TMC2: variants seen among roughly 807,000 people sequenced by gnomAD.
The protein encoded by TMC2 is transmembrane channel like 2, also known as transmembrane channel-like protein 2.
TMC2 carries 102 observed loss-of-function variants against 105.9 expected under a neutral mutation model. The ratio of observed to expected loss-of-function variants is 0.96; its 90% CI spans 0.82 to 1.14. TMC2 has a LOEUF of 1.14. Ranked by LOEUF, TMC2 falls within the 50% of genes most tolerant of loss-of-function variation. The pLI, the probability that TMC2 is intolerant of heterozygous loss-of-function variation, is 0.00. For synonymous variants in TMC2, 402 were observed against 422.8 expected (o/e 0.95, Z 0.60); for missense variants, 1,093 against 1,134.3 (o/e 0.96, Z 0.52).
Position 2,624,358 on chromosome 20 carries a change from C to T in TMC2, c.2268C>T (p.Ala756=). 1 of 1,614,138 alleles carries T rather than the reference C, an allele frequency of 6.2e-7. No homozygotes were observed. The highest frequency in any genetic ancestry group is 8.5e-7 in the Non-Finnish European group (1 of 1,180,016). The part of the protein sequence containing the change: ...TFLGKIFAFL[A]NPGLIIPAIL... ...TGGGCAAGATCTTTGCTTTCCTCGC[C>T]AATCCAGGCCTGATCATCCCAGCCA... The change falls in exon 17 of 20, where the codon GCC becomes GCT. Residue 756 remains alanine (A), a synonymous_variant. Coordinates refer to ENST00000358864, the MANE Select transcript of TMC2 (RefSeq NM_080751.3).
chr20:2,564,157 T>TA (rs1250931369), intron 4 of TMC2, among the ~76,000 whole-genome samples: 3 of 145,924 alleles, frequency 2.1e-5, no homozygotes, highest in African/African-American at 7.6e-5. Context: ...CCTCTTTTTT[T>TA]TTTTTTTTTT....
At chr20:2,601,656 C>T (rs533457449) in intron 10 of TMC2, among the ~76,000 whole-genome samples, 3 of 152,216 alleles carry the variant, frequency 2.0e-5, no homozygotes, top group African/African-American at 7.2e-5. Flanking sequence ...GCCTGACCAA[C>T]ATGGAGAAAC....
chr20:2,610,271 C>T (rs1883979), intron 11 of TMC2, 148 bp from the exon 12 acceptor site: 160,338 of 643,344 alleles, frequency 0.25, 21,327 homozygotes, highest in African/African-American at 0.38. Context: ...GCCAGGGTCA[C>T]ACAGCAAGCT....
intron 7 of TMC2, among the ~76,000 whole-genome samples, chr20:2,590,564 A>C (rs1192788287): frequency 6.6e-6 from 1 of 152,128 alleles, no homozygotes. Flanking sequence ...ATTTTATATT[A>C]AATGGTGAAA....
intron 2 of TMC2, among the ~76,000 whole-genome samples, chr20:2,546,633 A>G (rs2085928117): frequency 6.6e-6 from 1 of 152,094 alleles, no homozygotes; most frequent in South Asian, 2.1e-4. Flanking sequence ...GAGTTGAAGG[A>G]CATGATCAAC....
At chr20:2,553,080 C>T (rs1248408988) in intron 2 of TMC2, among the ~76,000 whole-genome samples, 2 of 152,134 alleles carry the variant, frequency 1.3e-5, no homozygotes, top group East Asian at 3.8e-4. Flanking sequence ...CCCATTTAGT[C>T]TACTGTTAAT....
chr20:2,570,005 G>A (rs1218725685), intron 4 of TMC2, among the ~76,000 whole-genome samples: 2 of 152,162 alleles, frequency 1.3e-5, no homozygotes, highest in East Asian at 3.8e-4. Flanking sequence ...AGTTATCTAT[G>A]AGAAACTCAT....
At chr20:2,560,374 G>A (rs908174219) in intron 3 of TMC2, among the ~76,000 whole-genome samples, 2 of 152,038 alleles carry the variant, frequency 1.3e-5, no homozygotes, top group Non-Finnish European at 1.5e-5. Context: ...ACACCCAGAG[G>A]CTGCTGCAAA....
intron 5 of TMC2, among the ~76,000 whole-genome samples, chr20:2,577,727 G>T (rs541533578): frequency 6.6e-6 from 1 of 151,576 alleles, no homozygotes. Flanking sequence ...AGCCTGGGCC[G>T]CATGGTGAGA....
chr20:2,595,691 C>T (rs1304186692), intron 9 of TMC2, among the ~76,000 whole-genome samples: 1 of 152,150 alleles, frequency 6.6e-6, no homozygotes, highest in East Asian at 1.9e-4. Flanking sequence ...AAGGCACTGT[C>T]TCCTACACAA....
chr20:2,560,405 T>A (rs2086017573), intron 3 of TMC2, among the ~76,000 whole-genome samples: 1 of 152,106 alleles, frequency 6.6e-6, no homozygotes, highest in Non-Finnish European at 1.5e-5. Context: ...AAACCTGCAG[T>A]AACCCAAGCC....
intron 2 of TMC2, among the ~76,000 whole-genome samples, chr20:2,550,172 CAG>C (rs1245171225): frequency 1.5e-5 from 2 of 134,416 alleles, no homozygotes; most frequent in African/African-American, 5.8e-5. Context: ...GCAACAGAGC[CAG>C]ACTCTGTCTC....
intron 4 of TMC2, among the ~76,000 whole-genome samples, chr20:2,571,102 C>T (rs369685665): frequency 5.3e-5 from 8 of 152,188 alleles, no homozygotes; most frequent in Middle Eastern, 3.4e-3. Context: ...AAAGAATTTA[C>T]GACTAAGTCC....
chr20:2,588,816 CT>C (rs763256491), intron 7 of TMC2, among the ~76,000 whole-genome samples: 2 of 151,486 alleles, frequency 1.3e-5, no homozygotes, highest in South Asian at 2.1e-4. Flanking sequence ...TAAGTCTGGA[CT>C]TTTTTAACCC....
chr20:2,637,557 C>G lies in TMC2; in HGVS notation c.2469C>G (p.Ser823=), dbSNP rs1056392468. ...RDSEDTPKSS[S]KNATQLQLTK... is the part of the protein sequence containing the mutation. Reference sequence around the variant, plus strand: ...CAGAGGACACACCTAAAAGCAGCTCCAAAAATGCCACCCAGCTCCAACTCA... The same window carrying G: ...CAGAGGACACACCTAAAAGCAGCTCGAAAAATGCCACCCAGCTCCAACTCA... Residue 823 remains serine, a synonymous_variant, in exon 19 of 20, where the codon TCC becomes TCG. Transcript: ENST00000358864. 1 of 1,613,906 alleles carries G rather than the reference C, an allele frequency of 6.2e-7. No individual in the cohort carries two copies. The highest frequency in any genetic ancestry group is 1.1e-5 in the South Asian group (1 of 91,068).
intron 10 of TMC2, among the ~76,000 whole-genome samples, chr20:2,599,539 ATTTT>A (rs11409325): frequency 2.3e-5 from 2 of 85,512 alleles, no homozygotes; most frequent in African/African-American, 9.7e-5. Flanking sequence ...CTTTAATTAC[ATTTT>A]TTTTTTTTTT....
intron 12 of TMC2, 55 bp downstream of exon 12, chr20:2,610,653 TC>T: frequency 9.3e-6 from 10 of 1,075,866 alleles, no homozygotes; most frequent in South Asian, 3.7e-5. Context: ...CATAGTATTT[TC>T]TTTTTTAATA....
chr20:2,594,507 C>T (rs1175999132), intron 8 of TMC2, among the ~76,000 whole-genome samples: 1 of 152,120 alleles, frequency 6.6e-6, no homozygotes, highest in Non-Finnish European at 1.5e-5. Flanking sequence ...GGATTACGGG[C>T]GTGAGCCACA....
chr20:2,605,788 G>A lies in TMC2; in HGVS notation c.1413+3487G>A, dbSNP rs140096169. On this transcript the variant is annotated intron_variant, in intron 11 of 19. Transcript: ENST00000358864. ...CAGGAGTTAAGGCATTCAAGGTATGGGTGAACCTGATCTAACCCTCCTCCC... is the reference window on the plus strand; with the variant it reads ...CAGGAGTTAAGGCATTCAAGGTATGAGTGAACCTGATCTAACCCTCCTCCC... 4.6e-3 allele frequency among the ~76,000 whole-genome samples: 694 copies of A among 152,270 alleles called. 10 individuals are homozygous for A. Among genetic ancestry groups the A allele is most frequent in the African/African-American group, 0.016 (652 of 41,544 alleles).
Sources: allele counts gnomAD v4.1 joint callset (sites outside exome capture counted in the v4.1 genomes callset), GRCh38; gene constraint gnomAD v4.1.1; transcripts MANE v1.5; gene names NCBI Gene and HGNC (gene_info 2026-07-23, HGNC 2026-07-21).